The following SPAG17 variants were observed in gnomAD, a reference collection of about 807,000 sequenced individuals.
The protein encoded by SPAG17 is sperm-associated antigen 17.
A neutral mutation model predicts 273.6 loss-of-function variants in SPAG17; 169 were observed. That is an observed-to-expected ratio of 0.62 (90% confidence interval 0.55 to 0.70). The LOEUF (loss-of-function observed/expected upper bound fraction) is 0.70, where lower values mean the gene tolerates loss of function less well. Among genes scored for constraint, SPAG17 ranks in the 30% least tolerant of loss-of-function variants. The pLI is 0.00. For synonymous variants in SPAG17, 825 were observed against 873.2 expected (o/e 0.94, Z 0.97); for missense variants, 2,557 against 2,627.8 (o/e 0.97, Z 0.59).
At chr1:118,046,641 T>G (rs1650389750) in intron 20 of SPAG17, among the ~76,000 whole-genome samples, 2 of 152,132 alleles carry the variant, frequency 1.3e-5, no homozygotes, top group Admixed American at 1.3e-4. Flanking sequence ...GTCAATATTT[T>G]AGGGCCAAGA....
Position 118,012,293 on chromosome 1 carries a change from G to C in SPAG17, c.4367C>G (p.Thr1456Ser). 1 of 1,613,598 alleles carries C rather than the reference G, an allele frequency of 6.2e-7. No individual in the cohort carries two copies. Among genetic ancestry groups the C allele is most frequent in the South Asian group, 1.1e-5 (1 of 91,058 alleles). Reference sequence around the variant, plus strand: ...AACTTGATAAAAGGTTGTGATTCTGGTACCATCAGCATGATCCACTATCCG... The same window carrying C: ...AACTTGATAAAAGGTTGTGATTCTGCTACCATCAGCATGATCCACTATCCG... The part of the protein sequence containing the change: ...GTRIVDHADG[T>S]RITTFYQVYE... Residue 1456 changes from threonine to serine, a missense_variant, in exon 30 of 49, where the codon ACC becomes AGC. Thr to Ser is a moderately conservative substitution (Grantham distance 58). Coordinates refer to ENST00000336338, the MANE Select transcript of SPAG17 (RefSeq NM_206996.4).
intron 25 of SPAG17, among the ~76,000 whole-genome samples, chr1:118,029,564 C>A (rs1648184160): frequency 6.6e-6 from 1 of 152,072 alleles, no homozygotes; most frequent in Admixed American, 6.6e-5. Context: ...AAATAAAAGA[C>A]AATTATAAAG....
At chr1:118,029,135 A>G (rs984429041) in intron 25 of SPAG17, among the ~76,000 whole-genome samples, 10 of 152,254 alleles carry the variant, frequency 6.6e-5, no homozygotes, top group Admixed American at 5.2e-4. Context: ...CTGTGGTCCC[A>G]GCTACTTGGG....
At chr1:118,071,292 G>T (rs1653557717) in intron 17 of SPAG17, among the ~76,000 whole-genome samples, 1 of 152,108 alleles carries the variant, frequency 6.6e-6, no homozygotes, top group South Asian at 2.1e-4. Flanking sequence ...AAACTTGGAG[G>T]AAAAAGAGAT....
intron 30 of SPAG17, among the ~76,000 whole-genome samples, chr1:118,009,260 C>T (rs1659222586): frequency 6.6e-6 from 1 of 151,150 alleles, no homozygotes; most frequent in South Asian, 2.1e-4. Context: ...CACACACACA[C>T]ACACACACAC....
chr1:118,019,543 T>C, intron 28 of SPAG17, among the ~76,000 whole-genome samples: 1 of 151,826 alleles, frequency 6.6e-6, no homozygotes, highest in Non-Finnish European at 1.5e-5. Flanking sequence ...AAAAAAGAAA[T>C]GGATCAGAAA....
intron 29 of SPAG17, 60 bp downstream of exon 29, chr1:118,015,905 G>T: frequency 7.0e-7 from 1 of 1,431,564 alleles, no homozygotes; most frequent in Non-Finnish European, 9.8e-7. Context: ...ACTCTTTTGG[G>T]TGTTGTTTCA....
intron 5 of SPAG17, among the ~76,000 whole-genome samples, chr1:118,100,637 A>G (rs1233538780): frequency 6.6e-6 from 1 of 152,176 alleles, no homozygotes; most frequent in Admixed American, 6.6e-5. Flanking sequence ...GGACTTCATA[A>G]TATCACTTCT....
At chr1:118,046,277 C>T (rs1378596990) in intron 20 of SPAG17, among the ~76,000 whole-genome samples, 5 of 152,004 alleles carry the variant, frequency 3.3e-5, no homozygotes, top group Non-Finnish European at 7.4e-5. Flanking sequence ...TTTGAGGCTG[C>T]AGTGAGTTAT....
At chr1:118,113,677 T>C (rs1159655711) in intron 4 of SPAG17, among the ~76,000 whole-genome samples, 2 of 152,102 alleles carry the variant, frequency 1.3e-5, no homozygotes, top group Non-Finnish European at 2.9e-5. Context: ...ATCTAATACT[T>C]AAAAGAAAAT....
chr1:118,140,143 T>G (rs1658592927), intron 3 of SPAG17, among the ~76,000 whole-genome samples: 1 of 152,142 alleles, frequency 6.6e-6, no homozygotes, highest in Non-Finnish European at 1.5e-5. Flanking sequence ...CCTCCTTAAC[T>G]ATAAAAAATA....
intron 3 of SPAG17, among the ~76,000 whole-genome samples, chr1:118,118,811 T>C (rs1657251209): frequency 6.6e-6 from 1 of 152,244 alleles, no homozygotes; most frequent in South Asian, 2.1e-4. Context: ...CTAGATGCTA[T>C]TTTTCTGTTA....
chr1:118,117,018 G>A (rs1472622519), intron 3 of SPAG17, among the ~76,000 whole-genome samples: 1 of 152,212 alleles, frequency 6.6e-6, no homozygotes, highest in Non-Finnish European at 1.5e-5. Flanking sequence ...GAGGTCAGGC[G>A]TTTACTGTAA....
chr1:118,151,969 AC>A (rs1305059438), intron 1 of SPAG17, among the ~76,000 whole-genome samples: 2 of 152,242 alleles, frequency 1.3e-5, no homozygotes, highest in Non-Finnish European at 2.9e-5. Context: ...AAAATTAGTT[AC>A]TAAAGAATTA....
chr1:117,998,073 G>T (rs1426711069), intron 32 of SPAG17, among the ~76,000 whole-genome samples: 3 of 152,116 alleles, frequency 2.0e-5, no homozygotes, highest in African/African-American at 7.2e-5. Context: ...GGTCCCATTT[G>T]TCAGTTTTTG....
chr1:117,984,892 T>C, intron 40 of SPAG17, 110 bp from the exon 41 acceptor site: 1 of 679,694 alleles, frequency 1.5e-6, no homozygotes, highest in Non-Finnish European at 2.6e-6. Flanking sequence ...TCACTAACAA[T>C]AAAACTGACA....
chr1:118,063,845 G>A (rs1557976170), intron 18 of SPAG17, among the ~76,000 whole-genome samples: 2 of 152,070 alleles, frequency 1.3e-5, no homozygotes, highest in Admixed American at 6.6e-5. Flanking sequence ...ATCTGACAAA[G>A]GGCTAATATC....
Position 117,983,878 on chromosome 1 carries a change from A to C in SPAG17, c.5805T>G (p.Pro1935=), listed in dbSNP as rs375833218. The C allele has an allele frequency of 5.0e-6, 8 of 1,612,866 alleles. No individual in the cohort carries two copies. The East Asian group carries it at 8.9e-5, about 18-fold the overall frequency. The change falls in exon 42 of 49, where the codon CCT becomes CCG. Residue 1935 remains proline, a synonymous_variant. Coordinates refer to ENST00000336338, the MANE Select transcript of SPAG17 (RefSeq NM_206996.4). Reference sequence around the variant, plus strand: ...CATCTTCATTTTTCTTTGTAAAAGAAGGCAGTTTTTTGGAAAGACTGTCCA... The same window carrying C: ...CATCTTCATTTTTCTTTGTAAAAGACGGCAGTTTTTTGGAAAGACTGTCCA... ...NHLDSLSKKL[P]SFTKKNEDAN...
At position 118,031,796 on chromosome 1, in the gene SPAG17, T is replaced by A. The variant is rs1443986777; in HGVS notation, c.3505A>T (p.Ile1169Leu). The A allele has an allele frequency of 6.2e-7, 1 of 1,613,748 alleles. No individual in the cohort carries two copies. Residue 1169 changes from isoleucine (I) to leucine (L), a missense_variant, in exon 25 of 49, where the codon ATA (isoleucine) becomes TTA (leucine). Physicochemically the swap from Ile to Leu is conservative, Grantham distance 5. Coordinates refer to ENST00000336338, the MANE Select transcript of SPAG17 (RefSeq NM_206996.4). ...SALTPTVVPV[I>L]VTVPQSKAKG... is the part of the protein sequence containing the mutation. ...GCTTTGCTTTGAGGAACGGTCACTATAACAGGAACCACTGTTGGAGTGAGT... is the reference window on the plus strand; with the variant it reads ...GCTTTGCTTTGAGGAACGGTCACTAAAACAGGAACCACTGTTGGAGTGAGT...
Sources: gnomAD v4.1 joint callset for allele counts (sites outside exome capture counted in the v4.1 genomes callset) on GRCh38, gnomAD v4.1.1 for gene constraint, MANE v1.5 for transcripts, NCBI Gene and HGNC (gene_info 2026-07-23, HGNC 2026-07-21) for gene names.